Variants in DGKK observed in about 807,000 individuals in gnomAD.
DGKK encodes 142 kDa diacylglycerol kinase.
Under a neutral mutation model 92.2 loss-of-function variants are expected in DGKK, and 35 were observed. The observed-to-expected ratio is 0.38, with a 90% CI of 0.29 to 0.50. DGKK has a LOEUF of 0.50. Ranked by LOEUF, DGKK falls within the 20% of genes least tolerant of loss-of-function variation. DGKK has a pLI of 0.92. For missense variants in DGKK, 910 were observed against 992.2 expected (o/e 0.92, Z 1.11); for synonymous variants, 368 against 360.6 (o/e 1.02, Z -0.23).
At position 50,368,781 on chromosome X, in the gene DGKK, A is replaced by G; in HGVS notation, c.*159T>C. On this transcript the variant is annotated 3_prime_UTR_variant, in exon 28 of 28. Coordinates refer to ENST00000611977, the MANE Select transcript of DGKK (RefSeq NM_001013742.4). Reference sequence around the variant, plus strand: ...GGAAATGTAAACCTCTAAGGAGACCAGATTAAGTCCAGGAAAATGCATTAG... The same window carrying G: ...GGAAATGTAAACCTCTAAGGAGACCGGATTAAGTCCAGGAAAATGCATTAG... 2.2e-6 allele frequency: 1 copy of G among 453,017 alleles called. No homozygotes were observed. Among genetic ancestry groups the G allele is most frequent in the Non-Finnish European group, 3.7e-6 (1 of 268,360 alleles). 37.3% of individuals were successfully genotyped at this position (453,017 alleles called of 1,213,427 possible).
intron 1 of DGKK, among the ~76,000 whole-genome samples, chrX:50,455,510 A>G (rs1388835417): frequency 8.9e-6 from 1 of 112,107 alleles, no homozygotes; most frequent in Non-Finnish European, 1.9e-5. Context: ...TACTCCTCCT[A>G]TTAATAACTG....
intron 1 of DGKK, among the ~76,000 whole-genome samples, chrX:50,425,349 C>CT (rs79164644): frequency 5.5e-5 from 6 of 109,578 alleles, no homozygotes; most frequent in Non-Finnish European, 1.1e-4. Context: ...TTTCCTGTTT[C>CT]TTTTTTTTTA....
chrX:50,369,535 C>T (rs981984471), intron 27 of DGKK, among the ~76,000 whole-genome samples: 5 of 104,293 alleles, frequency 4.8e-5, no homozygotes, highest in African/African-American at 1.8e-4. Flanking sequence ...TCCTTCCTTC[C>T]TTCCCCCTCC....
Position 50,470,661 on chromosome X carries a change from G to C in DGKK, c.18C>G (p.Ala6=), listed in dbSNP as rs376153908. 247 of 1,115,762 alleles carry C rather than the reference G, an allele frequency of 2.2e-4. 1 individual carries two copies. The African/African-American group carries it at 3.6e-3, about 16-fold the overall frequency. 92.0% of individuals were successfully genotyped at this position (1,115,762 alleles called of 1,213,427 possible). MDRGA[A]AAQGTAPPQD... is the part of the protein sequence containing the mutation. ...GAGGCGGGGCAGTGCCCTGGGCTGC[G>C]GCAGCTCCGCGGTCCATGGCCGCAC... Residue 6 remains alanine, a synonymous_variant, in exon 1 of 28, where the codon GCC becomes GCG. Transcript: ENST00000611977.
intron 20 of DGKK, 118 bp downstream of exon 20, chrX:50,379,509 G>A (rs1304223403): frequency 3.6e-5 from 21 of 578,220 alleles, no homozygotes; most frequent in East Asian, 6.9e-5. Context: ...AAAGGTTCTC[G>A]GACCACCTCC....
chrX:50,372,292 C>T (rs1190316656), intron 25 of DGKK, among the ~76,000 whole-genome samples: 1 of 111,988 alleles, frequency 8.9e-6, no homozygotes, highest in African/African-American at 3.2e-5. Flanking sequence ...GTTTTCATTC[C>T]ATGGGTGAGA....
At chrX:50,392,248 A>T (rs782442183) in intron 10 of DGKK, 93 bp downstream of exon 10, 247 of 616,342 alleles carry the variant, frequency 4.0e-4, no homozygotes, top group South Asian at 9.1e-4. Flanking sequence ...TTTTACAGAC[A>T]GGGAGGGCGA....
intron 14 of DGKK, 33 bp from the exon 15 acceptor site, chrX:50,386,619 A>G (rs782510029): frequency 1.6e-5 from 18 of 1,125,935 alleles, no homozygotes; most frequent in Non-Finnish European, 2.2e-5. Flanking sequence ...GGGCATTGTT[A>G]TGAGGGACCC....
At chrX:50,414,295 A>G (rs1305969873) in intron 4 of DGKK, among the ~76,000 whole-genome samples, 1 of 111,455 alleles carries the variant, frequency 9.0e-6, no homozygotes, top group African/African-American at 3.3e-5. Context: ...ACTATAGTCA[A>G]TAACAATGAA....
intron 15 of DGKK, among the ~76,000 whole-genome samples, chrX:50,385,585 T>C (rs1924525594): frequency 8.9e-6 from 1 of 111,907 alleles, no homozygotes; most frequent in African/African-American, 3.2e-5. Flanking sequence ...AGGGAGATTT[T>C]CTTTCTTTCT....
intron 4 of DGKK, among the ~76,000 whole-genome samples, chrX:50,417,902 C>A (rs1925478146): frequency 9.0e-6 from 1 of 111,369 alleles, no homozygotes; most frequent in Non-Finnish European, 1.9e-5. Context: ...CATGGTCAGG[C>A]CCCATCTACC....
chrX:50,438,066 T>A (rs1926079764), intron 1 of DGKK, among the ~76,000 whole-genome samples: 2 of 110,415 alleles, frequency 1.8e-5, no homozygotes, highest in African/African-American at 6.6e-5. Context: ...AGAAGAACTG[T>A]CTTTTAATTG....
In DGKK at chrX:50,376,886, G is replaced by T; in HGVS notation, c.3144C>A (p.Tyr1048Ter). 1 of 1,204,427 alleles carries T rather than the reference G, an allele frequency of 8.3e-7. No individual in the cohort carries two copies. ...DFENSMKMWE[Y>*]KHTEIQAAPQ... is the part of the protein sequence containing the mutation. Reference sequence around the variant, plus strand: ...GGGCAGCTTGAATTTCAGTATGCTTGTATTCCCACATTTTCATTGAGTTCT... The same window carrying T: ...GGGCAGCTTGAATTTCAGTATGCTTTTATTCCCACATTTTCATTGAGTTCT... The change falls in exon 23 of 28, where the codon TAC becomes TAA. Residue 1048 changes from tyrosine (Y) to a stop codon, truncating the protein, a stop_gained. Coordinates refer to ENST00000611977, the MANE Select transcript of DGKK (RefSeq NM_001013742.4). LOFTEE classifies it high-confidence loss of function.
At chrX:50,394,640 G>C (rs1924794799) in intron 8 of DGKK, among the ~76,000 whole-genome samples, 1 of 112,255 alleles carries the variant, frequency 8.9e-6, no homozygotes, top group Admixed American at 9.4e-5. Flanking sequence ...AATATGTATG[G>C]AGGGCATTCT....
Position 50,376,738 on chromosome X carries a change from A to G in DGKK, c.3272+20T>C. 8.6e-7 allele frequency: 1 copy of G among 1,169,346 alleles called. No individual in the cohort carries two copies. Among genetic ancestry groups the G allele is most frequent in the Non-Finnish European group, 1.1e-6 (1 of 872,056 alleles). The stretch of plus-strand genomic sequence containing the variant: ...GCCTTCTTAGGATTCTCAGCCCTGT[A>G]TCTAGGCCAGTCCACTTACTTGCTG... On this transcript the variant is annotated intron_variant, in intron 23 of 27. Transcript: ENST00000611977.
At chrX:50,381,081 G>A (rs1924401605) in intron 18 of DGKK, among the ~76,000 whole-genome samples, 1 of 111,967 alleles carries the variant, frequency 8.9e-6, no homozygotes, top group African/African-American at 3.3e-5. Context: ...GAACAGAAGT[G>A]AGAGTCCAGA....
At chrX:50,448,928 C>T (rs1557232251) in intron 1 of DGKK, among the ~76,000 whole-genome samples, 2 of 111,513 alleles carry the variant, frequency 1.8e-5, no homozygotes, top group Non-Finnish European at 3.8e-5. Context: ...AAATAATTGC[C>T]AGGATATTAG....
At chrX:50,372,974 G>A (rs1240554638) in intron 25 of DGKK, among the ~76,000 whole-genome samples, 1 of 112,318 alleles carries the variant, frequency 8.9e-6, no homozygotes, top group Non-Finnish European at 1.9e-5. Context: ...TCACAAACGG[G>A]TGGCATGTGA....
intron 1 of DGKK, among the ~76,000 whole-genome samples, chrX:50,436,726 C>CTT (rs1242739148): frequency 9.6e-6 from 1 of 103,727 alleles, no homozygotes; most frequent in African/African-American, 3.5e-5. Context: ...TGCTATTGGC[C>CTT]TTTTTTTTTT....
Sources: gnomAD v4.1 joint callset for allele counts (sites outside exome capture counted in the v4.1 genomes callset) on GRCh38, gnomAD v4.1.1 for gene constraint, MANE v1.5 for transcripts, NCBI Gene and HGNC (gene_info 2026-07-23, HGNC 2026-07-21) for gene names.